Variants in SDK1 observed in about 807,000 individuals in gnomAD.
SDK1 encodes protein sidekick-1.
Under a neutral mutation model 245.5 loss-of-function variants are expected in SDK1, and 157 were observed. The ratio of observed to expected loss-of-function variants is 0.64; its 90% CI spans 0.56 to 0.73. The LOEUF is 0.73. Among genes scored for constraint, SDK1 ranks in the 30% least tolerant of loss-of-function variants. The pLI is 0.00. For missense variants in SDK1, 3,583 were observed against 3,002.3 expected (o/e 1.19, Z -4.52); for synonymous variants, 1,647 against 1,278.5 (o/e 1.29, Z -6.15).
intron 4 of SDK1, among the ~76,000 whole-genome samples, chr7:3,666,296 G>A (rs1292644029): frequency 6.6e-6 from 1 of 152,202 alleles, no homozygotes; most frequent in Non-Finnish European, 1.5e-5. Context: ...TCACAAGGCA[G>A]CCACGCTCAG....
intron 1 of SDK1, among the ~76,000 whole-genome samples, chr7:3,405,291 G>C (rs1008168617): frequency 6.6e-6 from 1 of 152,136 alleles, no homozygotes; most frequent in African/African-American, 2.4e-5. Flanking sequence ...GTGAGGTGGA[G>C]AGTAAGAGTA....
intron 1 of SDK1, among the ~76,000 whole-genome samples, chr7:3,423,405 C>T (rs1779586032): frequency 6.6e-6 from 1 of 152,142 alleles, no homozygotes; most frequent in South Asian, 2.1e-4. Context: ...GAATACAAAG[C>T]AGGGCTAATG....
intron 36 of SDK1, among the ~76,000 whole-genome samples, chr7:4,207,643 T>G (rs777277403): frequency 2.0e-5 from 3 of 152,060 alleles, no homozygotes; most frequent in Non-Finnish European, 4.4e-5. Flanking sequence ...GGGGGTTTGT[T>G]GTCTCCATAG....
intron 4 of SDK1, among the ~76,000 whole-genome samples, chr7:3,761,662 C>T (rs181230391): frequency 1.3e-4 from 19 of 151,032 alleles, no homozygotes; most frequent in Non-Finnish European, 2.4e-4. Flanking sequence ...GATGCTGGAG[C>T]GCAGAGAACA....
chr7:3,336,520 A>T (rs955405571), intron 1 of SDK1, among the ~76,000 whole-genome samples: 1 of 152,058 alleles, frequency 6.6e-6, no homozygotes, highest in Non-Finnish European at 1.5e-5. Context: ...CATCCCCATC[A>T]TCCCCTGGTG....
intron 1 of SDK1, among the ~76,000 whole-genome samples, chr7:3,389,100 G>A (rs1339651955): frequency 1.3e-5 from 2 of 152,140 alleles, no homozygotes; most frequent in African/African-American, 2.4e-5. Flanking sequence ...AGGAATGAGT[G>A]GTGGGAGGAA....
chr7:3,395,723 C>T (rs1207830763), intron 1 of SDK1, among the ~76,000 whole-genome samples: 1 of 151,812 alleles, frequency 6.6e-6, no homozygotes, highest in Admixed American at 6.6e-5. Context: ...CAGTTTTGGT[C>T]ATTCGTGACT....
rs997970454 is a variant in SDK1, at chr7:3,652,577, G to A, written c.713+10472G>A. Among the ~76,000 whole-genome samples the A allele has an allele frequency of 3.9e-5, 6 of 152,336 alleles. No individual in the cohort carries two copies. In the East Asian group the frequency reaches 1.2e-3, roughly 29 times the overall value. ...ATTTTCTCTATGAATATGGGGATGAGTTTAGAAGTTTAGAGTGAGGGCTGG... is the reference window on the plus strand; with the variant it reads ...ATTTTCTCTATGAATATGGGGATGAATTTAGAAGTTTAGAGTGAGGGCTGG... On this transcript the variant is annotated intron_variant, in intron 4 of 44. Transcript: ENST00000404826.
intron 1 of SDK1, among the ~76,000 whole-genome samples, chr7:3,344,574 T>G (rs547536514): frequency 6.6e-6 from 1 of 152,338 alleles, no homozygotes; most frequent in Non-Finnish European, 1.5e-5. Context: ...ACAGTTGCTC[T>G]TGTTATCATA....
At chr7:4,213,744 G>A (rs535206097) in intron 38 of SDK1, among the ~76,000 whole-genome samples, 28 of 152,066 alleles carry the variant, frequency 1.8e-4, no homozygotes, top group Admixed American at 4.6e-4. Context: ...CTTCCCCCTA[G>A]CCCAGTCTCC....
intron 4 of SDK1, among the ~76,000 whole-genome samples, chr7:3,712,015 G>A (rs528110126): frequency 6.6e-6 from 1 of 152,294 alleles, no homozygotes; most frequent in African/African-American, 2.4e-5. Flanking sequence ...AGTTCCATAA[G>A]AACATGCATG....
chr7:4,040,867 C>A (rs538864446), intron 17 of SDK1, among the ~76,000 whole-genome samples: 19 of 152,252 alleles, frequency 1.2e-4, no homozygotes, highest in African/African-American at 4.6e-4. Flanking sequence ...TGTGTCTGGC[C>A]CTCAGGTAGC....
intron 1 of SDK1, among the ~76,000 whole-genome samples, chr7:3,370,864 C>G (rs1781210035): frequency 6.6e-6 from 1 of 152,126 alleles, no homozygotes; most frequent in Non-Finnish European, 1.5e-5. Flanking sequence ...TGGAGCCAGT[C>G]ATACCTGGGT....
At position 4,260,550 on chromosome 7, in the gene SDK1, C is replaced by T. The variant is rs189870036; in HGVS notation, c.6382-4574C>T. 1.1e-3 allele frequency among the ~76,000 whole-genome samples: 125 copies of T among 114,538 alleles called. 1 individual carries two copies. Among genetic ancestry groups the T allele is most frequent in the African/African-American group, 4.2e-3 (117 of 27,966 alleles). The allele number at this position is 114,538 out of a possible 152,430, so 75.1% of individuals were successfully genotyped here. A position where few individuals can be genotyped will look rare whatever the true frequency, so the allele number is the denominator to read the frequency against. ...TCTGTGTGTGGGAAGATGTGTTCAT[C>T]GTCACCTGATGGAGAAGCTGGCTGC... On this transcript the variant is annotated intron_variant, in intron 44 of 44. Transcript: ENST00000404826.
Position 4,138,790 on chromosome 7 carries a change from G to A in SDK1, c.4228+6367G>A, listed in dbSNP as rs137940961. Among the ~76,000 whole-genome samples the A allele has an allele frequency of 5.4e-3, 823 of 151,664 alleles. 4 individuals are homozygous for A. The highest frequency in any genetic ancestry group is 0.016 in the East Asian group (81 of 5,156). ...GAGAAAGAAAGAAGAAGGAAGGAGGGAAGGAAAAGAAAAGAAAAGAAAATT... is the reference window on the plus strand; with the variant it reads ...GAGAAAGAAAGAAGAAGGAAGGAGGAAAGGAAAAGAAAAGAAAAGAAAATT... On this transcript the variant is annotated intron_variant, in intron 28 of 44. Transcript: ENST00000404826.
intron 5 of SDK1, among the ~76,000 whole-genome samples, chr7:3,822,825 A>G (rs1435375757): frequency 6.6e-6 from 1 of 151,964 alleles, no homozygotes; most frequent in African/African-American, 2.4e-5. Context: ...TATTTGCCTG[A>G]CATGGCCCTC....
At chr7:3,673,077 A>T (rs1783771578) in intron 4 of SDK1, among the ~76,000 whole-genome samples, 1 of 152,116 alleles carries the variant, frequency 6.6e-6, no homozygotes, top group African/African-American at 2.4e-5. Context: ...GTATGAAGAT[A>T]CTTCCTTGTA....
chr7:3,536,147 C>T (rs1185258240), intron 1 of SDK1, among the ~76,000 whole-genome samples: 1 of 151,874 alleles, frequency 6.6e-6, no homozygotes, highest in Non-Finnish European at 1.5e-5. Context: ...AGCTCCGCCT[C>T]CTGGGTCCAC....
chr7:3,532,602 C>A (rs1460477290), intron 1 of SDK1, among the ~76,000 whole-genome samples: 1 of 152,192 alleles, frequency 6.6e-6, no homozygotes, highest in Non-Finnish European at 1.5e-5. Flanking sequence ...TGTTTTCCTA[C>A]TATAACTGTC....
Sources: gnomAD v4.1 joint callset for allele counts (sites outside exome capture counted in the v4.1 genomes callset) on GRCh38, gnomAD v4.1.1 for gene constraint, MANE v1.5 for transcripts, NCBI Gene and HGNC (gene_info 2026-07-23, HGNC 2026-07-21) for gene names.